AFTPH: variants seen among roughly 807,000 people sequenced by gnomAD.
AFTPH encodes the protein aftiphilin protein.
Under a neutral mutation model 72.5 loss-of-function variants are expected in AFTPH, and 7 were observed. That is an observed-to-expected ratio of 0.10 (90% CI 0.05 to 0.18). The LOEUF (loss-of-function observed/expected upper bound fraction) is 0.18. Ranked by LOEUF, AFTPH falls within the 10% of genes least tolerant of loss-of-function variation. AFTPH has a pLI of 1.00. For synonymous variants in AFTPH, 337 were observed against 370.1 expected (o/e 0.91, Z 1.03); for missense variants, 979 against 1,060.5 (o/e 0.92, Z 1.07).
intron 2 of AFTPH, among the ~76,000 whole-genome samples, chr2:64,567,253 T>A (rs1285644652): frequency 6.6e-6 from 1 of 152,260 alleles, no homozygotes; most frequent in Non-Finnish European, 1.5e-5. Flanking sequence ...TTTCTCACTG[T>A]ACAATTGGGT....
intron 2 of AFTPH, among the ~76,000 whole-genome samples, chr2:64,559,829 C>T (rs1483846149): frequency 6.6e-6 from 1 of 152,136 alleles, no homozygotes; most frequent in East Asian, 1.9e-4. Flanking sequence ...CTCAGCCTCT[C>T]TAGTAGCTGA....
chr2:64,562,940 T>C (rs551872820), intron 2 of AFTPH, among the ~76,000 whole-genome samples: 210 of 152,342 alleles, frequency 1.4e-3, no homozygotes, highest in African/African-American at 4.9e-3. Context: ...AGTATCTATT[T>C]TTTGGAATTT....
At chr2:64,524,443 C>G in exon 1 of AFTPH, 1 of 402,764 alleles carries the variant, frequency 2.5e-6, no homozygotes, top group South Asian at 1.1e-4. Flanking sequence ...CCCGCGGCAG[C>G]GGTGAAACTC....
At chr2:64,579,097 G>C (rs1468837614) in intron 6 of AFTPH, 1 of 159,180 alleles carries the variant, frequency 6.3e-6, no homozygotes, top group African/African-American at 2.4e-5. Context: ...AAAATTGTAA[G>C]GAACCAGACA....
intron 1 of AFTPH, among the ~76,000 whole-genome samples, chr2:64,544,584 CT>C (rs1165851090): frequency 1.3e-5 from 2 of 151,340 alleles, no homozygotes; most frequent in South Asian, 2.1e-4. Flanking sequence ...CTTATCTATC[CT>C]TTTTTTCCCC....
chr2:64,556,144 C>T (rs1258446096), intron 2 of AFTPH, among the ~76,000 whole-genome samples: 4 of 152,080 alleles, frequency 2.6e-5, no homozygotes, highest in African/African-American at 7.2e-5. Flanking sequence ...CATGCCACCA[C>T]GCCCGGCTAA....
At chr2:64,532,993 T>TA (rs1245062340) in intron 1 of AFTPH, among the ~76,000 whole-genome samples, 1 of 152,240 alleles carries the variant, frequency 6.6e-6, no homozygotes, top group Admixed American at 6.5e-5. Flanking sequence ...ACGTAATGCT[T>TA]ATTTGATTCT....
At chr2:64,539,981 C>A (rs1210373350) in intron 1 of AFTPH, among the ~76,000 whole-genome samples, 1 of 151,908 alleles carries the variant, frequency 6.6e-6, no homozygotes, top group Non-Finnish European at 1.5e-5. Flanking sequence ...AGAGGCTGAA[C>A]GTTTATAGGA....
intron 5 of AFTPH, among the ~76,000 whole-genome samples, 200 bp downstream of exon 5, chr2:64,569,879 A>G (rs1043088895): frequency 6.6e-6 from 1 of 152,184 alleles, no homozygotes; most frequent in Non-Finnish European, 1.5e-5. Context: ...TTAATTACAG[A>G]TACTGTTTTT....
intron 1 of AFTPH, among the ~76,000 whole-genome samples, chr2:64,536,023 G>A (rs898577479): frequency 6.6e-6 from 1 of 152,194 alleles, no homozygotes; most frequent in African/African-American, 2.4e-5. Context: ...AGCGGTTGGG[G>A]TAACACTCAG....
chr2:64,569,104 T>C, exon 4 of AFTPH: 1 of 1,614,088 alleles, frequency 6.2e-7, no homozygotes, highest in Non-Finnish European at 8.5e-7. Context: ...AATTGCTAGA[T>C]GTGTGGACTG....
Position 64,524,470 on chromosome 2 carries a change from G to A in AFTPH, c.-175G>A, listed in dbSNP as rs974135684. 2 of 401,672 alleles carry A rather than the reference G, an allele frequency of 5.0e-6. No individual in the cohort carries two copies. Among genetic ancestry groups the A allele is most frequent in the African/African-American group, 2.1e-5 (1 of 48,638 alleles). 24.9% of individuals were successfully genotyped at this position (401,672 alleles called of 1,614,324 possible). ...GTGAAACTCCGGGTGGGCGTCCATGGTGCTGCTGCGCTGACAGGGCTGTGA... is the reference window on the plus strand; with the variant it reads ...GTGAAACTCCGGGTGGGCGTCCATGATGCTGCTGCGCTGACAGGGCTGTGA... On this transcript the variant is annotated 5_prime_UTR_variant, in exon 1 of 9. It adds an upstream start codon to the 5' untranslated region. Coordinates refer to ENST00000238856, the Ensembl canonical transcript of AFTPH.
intron 7 of AFTPH, chr2:64,581,206 T>C (rs1673175058): frequency 2.5e-6 from 4 of 1,597,036 alleles, no homozygotes; most frequent in Non-Finnish European, 3.4e-6. Flanking sequence ...GAGGTTCCAC[T>C]CTTCTGAACC....
At chr2:64,546,782 C>G (rs531833893) in intron 1 of AFTPH, among the ~76,000 whole-genome samples, 2 of 152,076 alleles carry the variant, frequency 1.3e-5, no homozygotes, top group African/African-American at 4.8e-5. Context: ...CGCCTGTGAT[C>G]CCAGCACTTT....
intron 6 of AFTPH, among the ~76,000 whole-genome samples, chr2:64,578,007 A>C (rs1165602633): frequency 6.6e-6 from 1 of 152,144 alleles, no homozygotes; most frequent in African/African-American, 2.4e-5. Context: ...CACCCTTAAT[A>C]GTCACTGCCC....
chr2:64,525,785 T>G (rs1669225752), intron 1 of AFTPH, among the ~76,000 whole-genome samples: 1 of 152,228 alleles, frequency 6.6e-6, no homozygotes, highest in African/African-American at 2.4e-5. Context: ...AATGTTGGCT[T>G]TTTTAGTAGT....
intron 2 of AFTPH, among the ~76,000 whole-genome samples, chr2:64,553,649 T>A (rs1029858196): frequency 1.3e-5 from 2 of 151,654 alleles, no homozygotes; most frequent in Non-Finnish European, 2.9e-5. Flanking sequence ...TCGTTAATAT[T>A]TACAGATACT....
chr2:64,545,653 C>T (rs1033706603), intron 1 of AFTPH, among the ~76,000 whole-genome samples: 16 of 134,302 alleles, frequency 1.2e-4, no homozygotes, highest in African/African-American at 4.1e-4. Flanking sequence ...GAATGGACCT[C>T]GAGGACATTA....
chr2:64,577,686 A>C (rs1433648875), intron 6 of AFTPH, among the ~76,000 whole-genome samples: 1 of 152,204 alleles, frequency 6.6e-6, no homozygotes, highest in Non-Finnish European at 1.5e-5. Flanking sequence ...TCAGCTAAAG[A>C]AGATATTTCT....
Sources: allele counts gnomAD v4.1 joint callset (sites outside exome capture counted in the v4.1 genomes callset), GRCh38; gene constraint gnomAD v4.1.1; transcripts MANE v1.5; gene names NCBI Gene and HGNC (gene_info 2026-07-23, HGNC 2026-07-21).